LARGE1: variants seen among roughly 807,000 people sequenced by gnomAD.
LARGE1 encodes LARGE xylosyl- and glucuronyltransferase 1.
In LARGE1, 43 loss-of-function variants were observed where a neutral mutation model predicts 87.6. The ratio of observed to expected loss-of-function variants is 0.49; its 90% CI spans 0.38 to 0.63. The LOEUF (loss-of-function observed/expected upper bound fraction) is 0.63. Ranked by LOEUF, LARGE1 falls within the 30% of genes least tolerant of loss-of-function variation. The pLI is 0.00. For synonymous variants in LARGE1, 434 were observed against 394.6 expected, an observed-to-expected ratio of 1.10 and a Z score of -1.18; for missense variants, 802 against 1,000.2, an observed-to-expected ratio of 0.80 and a Z score of 2.67.
chr22:33,740,813 A>T (rs980649616), intron 2 of LARGE1, among the ~76,000 whole-genome samples: 3 of 152,108 alleles, frequency 2.0e-5, no homozygotes, highest in African/African-American at 7.2e-5. Flanking sequence ...AAGCAAAAAC[A>T]GTTCATGCCC....
chr22:33,177,936 C>G (rs982325524), intron 11 of LARGE1, among the ~76,000 whole-genome samples: 1 of 152,136 alleles, frequency 6.6e-6, no homozygotes, highest in Non-Finnish European at 1.5e-5. Context: ...AAGTGTGTGG[C>G]TCTTCCAGCT....
chr22:33,823,610 C>G (rs752707394), intron 1 of LARGE1, among the ~76,000 whole-genome samples: 1 of 152,196 alleles, frequency 6.6e-6, no homozygotes, highest in Non-Finnish European at 1.5e-5. Context: ...CCTGTCCTTG[C>G]CCTCCGCATC....
At chr22:33,871,982 CAAAA>C (rs58105742) in intron 1 of LARGE1, among the ~76,000 whole-genome samples, 1 of 86,804 alleles carries the variant, frequency 1.2e-5, no homozygotes, top group Non-Finnish European at 2.4e-5. Flanking sequence ...TCTAAATCAG[CAAAA>C]AAAAAAAAAA....
intron 1 of LARGE1, among the ~76,000 whole-genome samples, chr22:33,804,595 GC>G (rs2086255199): frequency 6.6e-6 from 1 of 152,174 alleles, no homozygotes; most frequent in South Asian, 2.1e-4. Flanking sequence ...TGAACACTTT[GC>G]AGAAAGCCAG....
chr22:33,235,488 G>A (rs983418824), intron 11 of LARGE1, among the ~76,000 whole-genome samples: 11 of 152,040 alleles, frequency 7.2e-5, no homozygotes, highest in African/African-American at 1.9e-4. Context: ...ACAAACAAAC[G>A]GATCTCTCAT....
intron 4 of LARGE1, among the ~76,000 whole-genome samples, chr22:33,612,118 C>G (rs1432687782): frequency 6.6e-6 from 1 of 152,040 alleles, no homozygotes; most frequent in Non-Finnish European, 1.5e-5. Flanking sequence ...CCACCCACCC[C>G]CAGTGAAAGA....
intron 6 of LARGE1, among the ~76,000 whole-genome samples, chr22:33,473,162 A>C (rs1016792178): frequency 1.3e-5 from 2 of 151,476 alleles, no homozygotes; most frequent in African/African-American, 4.8e-5. Context: ...ACTTTTTCAT[A>C]TCTCTCTTTT....
At chr22:33,732,329 CA>C (rs1395816511) in intron 2 of LARGE1, 3 of 152,138 alleles carry the variant, frequency 2.0e-5, no homozygotes, top group Non-Finnish European at 4.4e-5. Flanking sequence ...TGATCTTCTG[CA>C]GAAGACCTCA....
intron 1 of LARGE1, among the ~76,000 whole-genome samples, chr22:33,773,177 G>A (rs1202141204): frequency 2.0e-5 from 3 of 152,308 alleles, no homozygotes; most frequent in East Asian, 1.9e-4. Context: ...GGGGCCACGC[G>A]AGCATCTCTG....
At chr22:33,799,999 C>G (rs770408861) in intron 1 of LARGE1, among the ~76,000 whole-genome samples, 1 of 152,182 alleles carries the variant, frequency 6.6e-6, no homozygotes, top group African/African-American at 2.4e-5. Flanking sequence ...CGCTGTCCCA[C>G]GCACTTATGG....
At chr22:33,093,822 C>CTTTTTTTTT in the LARGE1 span, among the ~76,000 whole-genome samples, 6 of 81,578 alleles carry the variant, frequency 7.4e-5, no homozygotes, top group Admixed American at 1.5e-4. Flanking sequence ...TTCTTTCTTT[C>CTTTTTTTTT]TTTTTTTTTT....
At chr22:33,504,846 A>G (rs2070689223) in intron 6 of LARGE1, among the ~76,000 whole-genome samples, 1 of 152,254 alleles carries the variant, frequency 6.6e-6, no homozygotes, top group Non-Finnish European at 1.5e-5. Context: ...CCTTAAATAG[A>G]CAATGATTTT....
intron 5 of LARGE1, 72 bp from the exon 6 acceptor site, chr22:33,565,091 C>G (rs2077983502): frequency 7.2e-7 from 1 of 1,381,486 alleles, no homozygotes; most frequent in African/African-American, 1.4e-5. Flanking sequence ...TTTGCTTAAA[C>G]ATTATAAATA....
intron 1 of LARGE1, among the ~76,000 whole-genome samples, chr22:33,852,882 AAG>A (rs1401344307): frequency 0.15 from 7,789 of 51,214 alleles, 1,028 homozygotes; most frequent in Non-Finnish European, 0.17. Flanking sequence ...AAAAAAAAGA[AAG>A]AAAGAAAGAA....
intron 11 of LARGE1, among the ~76,000 whole-genome samples, chr22:33,211,597 TC>T (rs200144618): frequency 6.6e-6 from 1 of 151,560 alleles, no homozygotes; most frequent in African/African-American, 2.4e-5. Flanking sequence ...CATGCTGAAA[TC>T]CCGTCTCTAC....
chr22:33,144,221 T>G, the LARGE1 span, among the ~76,000 whole-genome samples: 1 of 152,142 alleles, frequency 6.6e-6, no homozygotes, highest in African/African-American at 2.4e-5. Context: ...CTTGTTTCAA[T>G]TTGAAGGCAT....
At chr22:33,264,640 CAG>C (rs1320272621) in intron 11 of LARGE1, among the ~76,000 whole-genome samples, 2 of 152,164 alleles carry the variant, frequency 1.3e-5, no homozygotes, top group Non-Finnish European at 2.9e-5. Flanking sequence ...GCCCGAGCGA[CAG>C]AGTGAGACTT....
At chr22:33,174,489 C>A (rs981769667) in intron 11 of LARGE1, among the ~76,000 whole-genome samples, 5 of 152,068 alleles carry the variant, frequency 3.3e-5, no homozygotes, top group African/African-American at 9.7e-5. Flanking sequence ...TAATTAAGAT[C>A]AGAGCAGAAC....
At chr22:33,149,269 C>T in the LARGE1 span, among the ~76,000 whole-genome samples, 3 of 151,980 alleles carry the variant, frequency 2.0e-5, no homozygotes, top group Non-Finnish European at 2.9e-5. Context: ...GTCTCGATCT[C>T]CTGACCTCGT....
Sources: gnomAD v4.1 joint callset for allele counts (sites outside exome capture counted in the v4.1 genomes callset) on GRCh38, gnomAD v4.1.1 for gene constraint, MANE v1.5 for transcripts, NCBI Gene and HGNC (gene_info 2026-07-23, HGNC 2026-07-21) for gene names.